CATSPERD: variants seen among roughly 807,000 people sequenced by gnomAD.
CATSPERD encodes the protein cation channel sperm-associated auxiliary subunit delta.
Under a neutral mutation model 98.1 loss-of-function variants are expected in CATSPERD, and 86 were observed. That is an observed-to-expected ratio of 0.88 (90% CI 0.74 to 1.05). CATSPERD has a LOEUF of 1.05. Among genes scored for constraint, CATSPERD ranks in the 50% least tolerant of loss-of-function variants. The pLI is 0.00. For synonymous variants in CATSPERD, 394 were observed against 390.2 expected, an observed-to-expected ratio of 1.01 and a Z score of -0.12; for missense variants, 995 against 1,005.7, an observed-to-expected ratio of 0.99 and a Z score of 0.14.
In CATSPERD at chr19:5,772,877, C is replaced by T. The variant is rs189734613; in HGVS notation, c.1853C>T (p.Thr618Met). ...CAGTTCTCATACTCCTATTCCCTGA[C>T]GGCCCAGTCGGCCATGTGTACCTCC... is the stretch of plus-strand genomic sequence containing the variant. ...NGQFSYSYSL[T>M]AQSAMCTSQP... The change falls in exon 20 of 22, where the codon ACG (threonine) becomes ATG (methionine). Residue 618 changes from threonine (T) to methionine (M), a missense_variant. Transcript: ENST00000381624. 470 of 1,614,074 alleles carry T rather than the reference C, an allele frequency of 2.9e-4. 1 individual carries two copies. The highest frequency in any genetic ancestry group is 3.3e-4 in the Non-Finnish European group (392 of 1,180,016).
chr19:5,736,859 C>T (rs942971679), intron 5 of CATSPERD, among the ~76,000 whole-genome samples: 1 of 151,638 alleles, frequency 6.6e-6, no homozygotes, highest in African/African-American at 2.4e-5. Context: ...AGATCGAAAC[C>T]ATCCTGGCTA....
Position 5,763,304 on chromosome 19 carries a change from A to C in CATSPERD, c.1506+11A>C. ...GATATCAAGCCACTGGTAGGTCCCA[A>C]ATCTTTGCTGTCCCATATTCGGTGT... On this transcript the variant is annotated intron_variant, in intron 16 of 21. Transcript: ENST00000381624. 1 of 1,608,454 alleles carries C rather than the reference A, an allele frequency of 6.2e-7. No homozygotes were observed. The highest frequency in any genetic ancestry group is 8.5e-7 in the Non-Finnish European group (1 of 1,174,840).
chr19:5,769,015 A>G (rs534763009), intron 18 of CATSPERD, among the ~76,000 whole-genome samples: 15 of 151,944 alleles, frequency 9.9e-5, no homozygotes, highest in East Asian at 3.9e-4. Context: ...TTAGCCAGGC[A>G]TGGTGGTGGG....
Position 5,751,901 on chromosome 19 carries a change from G to A in CATSPERD, c.1164+78G>A, listed in dbSNP as rs928942656. 13 of 1,350,378 alleles carry A rather than the reference G, an allele frequency of 9.6e-6. No individual in the cohort carries two copies. The African/African-American group carries it at 1.3e-4, about 14-fold the overall frequency. 83.6% of individuals were successfully genotyped at this position (1,350,378 alleles called of 1,614,324 possible). ...ATTCAACCTGGGCATGGTGGTGCACGCCTGTAGCCCCAGTTGCTCAGGAGG... is the reference window on the plus strand; with the variant it reads ...ATTCAACCTGGGCATGGTGGTGCACACCTGTAGCCCCAGTTGCTCAGGAGG... On this transcript the variant is annotated intron_variant, in intron 12 of 21. Coordinates refer to ENST00000381624, the MANE Select transcript of CATSPERD (RefSeq NM_152784.4).
chr19:5,752,728 C>T (rs930429113), intron 12 of CATSPERD, among the ~76,000 whole-genome samples: 1 of 151,996 alleles, frequency 6.6e-6, no homozygotes, highest in Admixed American at 6.6e-5. Context: ...CTTCCAAAAT[C>T]CATGGAAAGG....
chr19:5,733,023 C>T (rs985123212), intron 4 of CATSPERD, among the ~76,000 whole-genome samples: 1 of 148,928 alleles, frequency 6.7e-6, no homozygotes, highest in African/African-American at 2.5e-5. Context: ...TTTTTCAAGA[C>T]GGAGTTTCAC....
intron 1 of CATSPERD, among the ~76,000 whole-genome samples, chr19:5,723,933 C>G (rs1371206512): frequency 6.6e-6 from 1 of 151,970 alleles, no homozygotes; most frequent in Non-Finnish European, 1.5e-5. Context: ...TGCGCCACCA[C>G]ACGCTAATTT....
intron 20 of CATSPERD, among the ~76,000 whole-genome samples, chr19:5,773,886 G>A (rs2144692647): frequency 6.6e-6 from 1 of 151,866 alleles, no homozygotes; most frequent in South Asian, 2.1e-4. Context: ...TATCTTCCCG[G>A]GACACAATGT....
chr19:5,765,867 C>T lies in CATSPERD; in HGVS notation c.1507-236C>T, dbSNP rs142005720. 4.8e-3 allele frequency among the ~76,000 whole-genome samples: 725 copies of T among 152,136 alleles called. 5 individuals are homozygous for T. Among genetic ancestry groups the T allele is most frequent in the African/African-American group, 0.016 (666 of 41,528 alleles). On this transcript the variant is annotated intron_variant, in intron 16 of 21. Transcript: ENST00000381624. The stretch of plus-strand genomic sequence containing the variant: ...GTTAATTCTGGTCTCCGTGAAGCCA[C>T]TAATAGCTCCTCAGGCGACACCAGG...
In CATSPERD at chr19:5,720,808, G is replaced by A. The variant is rs200967104; in HGVS notation, c.71G>A (p.Arg24His). Residue 24 changes from arginine (R) to histidine (H), a missense_variant and splice_region_variant, in exon 1 of 22, where the codon CGT becomes CAT. Arg to His is a conservative substitution (Grantham distance 29, BLOSUM62 0). Transcript: ENST00000381624. ...CCGCTGGTCACAGCTCAGCTCTGTCGGTGGGGCTGCCAGGACTCCTGGGGC... is the reference window on the plus strand; with the variant it reads ...CCGCTGGTCACAGCTCAGCTCTGTCAGTGGGGCTGCCAGGACTCCTGGGGC... Reference protein sequence around the residue: ...LRPLVTAQLCRSRTVRTGKVF... With the variant: ...LRPLVTAQLCHSRTVRTGKVF... The A allele has an allele frequency of 6.9e-5, 110 of 1,598,550 alleles. 1 individual carries two copies. The highest frequency in any genetic ancestry group is 5.9e-4 in the African/African-American group (44 of 74,960).
intron 14 of CATSPERD, among the ~76,000 whole-genome samples, chr19:5,758,698 G>T (rs546782453): frequency 6.6e-6 from 1 of 151,414 alleles, no homozygotes; most frequent in African/African-American, 2.4e-5. Flanking sequence ...AGCCGAGATC[G>T]TGTCACTGCA....
chr19:5,740,628 G>A (rs997649817), intron 7 of CATSPERD, among the ~76,000 whole-genome samples: 2 of 151,524 alleles, frequency 1.3e-5, no homozygotes, highest in African/African-American at 4.8e-5. Flanking sequence ...CTGGCTGGGT[G>A]TATTGGCGGA....
chr19:5,722,371 T>C (rs1237655549), intron 1 of CATSPERD, among the ~76,000 whole-genome samples: 4 of 152,158 alleles, frequency 2.6e-5, no homozygotes, highest in Non-Finnish European at 4.4e-5. Context: ...TTCACTTGCC[T>C]CGGCCTCCCA....
chr19:5,775,365 G>C, intron 20 of CATSPERD: 1 of 454,076 alleles, frequency 2.2e-6, no homozygotes, highest in South Asian at 1.6e-5. Flanking sequence ...GGGGCCAGGC[G>C]AGGTGGCCAC....
At chr19:5,757,722 T>G (rs1599567104) in intron 13 of CATSPERD, 121 bp from the exon 14 acceptor site, 1 of 645,738 alleles carries the variant, frequency 1.5e-6, no homozygotes, top group East Asian at 3.0e-5. Context: ...ATTACAGATA[T>G]GAGCCACTAC....
At chr19:5,735,183 G>T (rs1458590401) in intron 5 of CATSPERD, among the ~76,000 whole-genome samples, 2 of 152,152 alleles carry the variant, frequency 1.3e-5, no homozygotes, top group Non-Finnish European at 2.9e-5. Context: ...GGTCACCCAG[G>T]CTGGAGTACA....
intron 13 of CATSPERD, 103 bp downstream of exon 13, chr19:5,754,348 C>T (rs970393051): frequency 4.7e-5 from 33 of 696,454 alleles, no homozygotes; most frequent in Middle Eastern, 8.1e-4. Flanking sequence ...CAAGGAGAGA[C>T]GCTACTCGCA....
At chr19:5,749,219 C>T (rs538880220) in intron 11 of CATSPERD, 36 bp downstream of exon 11, 96 of 1,486,222 alleles carry the variant, frequency 6.5e-5, no homozygotes, top group East Asian at 2.4e-4. Flanking sequence ...GGGCTGGGCA[C>T]GGTGGTTCAC....
intron 7 of CATSPERD, among the ~76,000 whole-genome samples, chr19:5,742,157 CGTGT>C (rs10561031): frequency 1.4e-5 from 2 of 143,040 alleles, no homozygotes; most frequent in Non-Finnish European, 3.1e-5. Flanking sequence ...CGTGTGTGAA[CGTGT>C]GTGTGCGTGT....
Sources: gnomAD v4.1 joint callset for allele counts (sites outside exome capture counted in the v4.1 genomes callset) on GRCh38, gnomAD v4.1.1 for gene constraint, MANE v1.5 for transcripts, NCBI Gene and HGNC (gene_info 2026-07-23, HGNC 2026-07-21) for gene names.